PTPRD: variants seen among roughly 807,000 people sequenced by gnomAD.
The protein encoded by PTPRD is receptor-type tyrosine-protein phosphatase delta.
A neutral mutation model predicts 214.5 loss-of-function variants in PTPRD; 34 were observed. The ratio of observed to expected loss-of-function variants is 0.16; its 90% CI spans 0.12 to 0.21. PTPRD has a LOEUF of 0.21. PTPRD is among the 10% of genes least tolerant of loss of function. The pLI is 1.00. For synonymous variants in PTPRD, 1,128 were observed against 845.7 expected (o/e 1.33, Z -5.79); for missense variants, 2,545 against 2,398.7 (o/e 1.06, Z -1.27).
chr9:10,267,224 TAG>T (rs35615895), intron 3 of PTPRD, among the ~76,000 whole-genome samples: 21,446 of 146,844 alleles, frequency 0.15, 1,599 homozygotes, highest in Admixed American at 0.16. Context: ...AACAAAAAAG[TAG>T]TCAGGGATGG....
chr9:10,479,509 T>G (rs956360210), intron 2 of PTPRD, among the ~76,000 whole-genome samples: 4 of 151,972 alleles, frequency 2.6e-5, no homozygotes, highest in African/African-American at 9.7e-5. Context: ...AAGAATAACA[T>G]GCAGACAGAA....
At chr9:9,594,487 A>C (rs1045521794) in intron 7 of PTPRD, among the ~76,000 whole-genome samples, 3 of 152,024 alleles carry the variant, frequency 2.0e-5, no homozygotes, top group Non-Finnish European at 4.4e-5. Flanking sequence ...ATTCTCCTAC[A>C]TGTGGCTTGC....
intron 12 of PTPRD, among the ~76,000 whole-genome samples, chr9:8,718,820 C>T (rs374823361): frequency 6.6e-6 from 1 of 152,144 alleles, no homozygotes; most frequent in African/African-American, 2.4e-5. Flanking sequence ...TCATTCCCAC[C>T]TCCCACAAAA....
chr9:10,186,471 T>A (rs1210791807), intron 3 of PTPRD, among the ~76,000 whole-genome samples: 1 of 152,120 alleles, frequency 6.6e-6, no homozygotes, highest in Non-Finnish European at 1.5e-5. Flanking sequence ...GATTTAACAA[T>A]ATGATAGATG....
rs558195257 is a variant in PTPRD, at chr9:8,833,365, G to C, written c.-103-99419C>G. ...CCTGATATATAAAAAGTAACAGGCA[G>C]AGAAATGAGAAAGAATAGAGTCCAG... On this transcript the variant is annotated intron_variant, in intron 11 of 45. Coordinates refer to ENST00000381196, the MANE Select transcript of PTPRD (RefSeq NM_002839.4). Among the ~76,000 whole-genome samples the C allele has an allele frequency of 9.9e-5, 15 of 152,162 alleles. No homozygotes were observed. In the South Asian group the frequency reaches 2.3e-3, roughly 23 times the overall value.
At chr9:8,999,049 A>C (rs551480586) in intron 11 of PTPRD, among the ~76,000 whole-genome samples, 1 of 152,084 alleles carries the variant, frequency 6.6e-6, no homozygotes, top group Non-Finnish European at 1.5e-5. Flanking sequence ...AAATGATTGC[A>C]TGAGACGGAA....
chr9:10,025,570 G>C (rs2096908087), intron 4 of PTPRD, among the ~76,000 whole-genome samples: 1 of 152,052 alleles, frequency 6.6e-6, no homozygotes, highest in Non-Finnish European at 1.5e-5. Flanking sequence ...GACTCTCTTG[G>C]TACATATAAA....
chr9:9,285,473 C>T (rs1490980346), intron 9 of PTPRD, among the ~76,000 whole-genome samples: 1 of 151,732 alleles, frequency 6.6e-6, no homozygotes, highest in East Asian at 2.0e-4. Flanking sequence ...GAGGAATAAT[C>T]ACTTGATGGC....
intron 14 of PTPRD, among the ~76,000 whole-genome samples, chr9:8,561,536 C>T (rs112862584): frequency 8.9e-4 from 135 of 152,230 alleles, no homozygotes; most frequent in African/African-American, 3.1e-3. Flanking sequence ...TGGGCCAAGC[C>T]GGTGTACAAG....
intron 3 of PTPRD, among the ~76,000 whole-genome samples, chr9:10,125,761 C>CT (rs2098814606): frequency 6.6e-6 from 1 of 151,748 alleles, no homozygotes; most frequent in Non-Finnish European, 1.5e-5. Flanking sequence ...GGATTATAGG[C>CT]GTGAGCCACC....
chr9:8,933,163 C>A (rs1363518346), intron 11 of PTPRD, among the ~76,000 whole-genome samples: 1 of 151,924 alleles, frequency 6.6e-6, no homozygotes, highest in Non-Finnish European at 1.5e-5. Context: ...AGGTGACGCC[C>A]CACCCTGCTT....
chr9:8,791,881 G>A (rs1262550298), intron 11 of PTPRD, among the ~76,000 whole-genome samples: 1 of 152,122 alleles, frequency 6.6e-6, no homozygotes, highest in African/African-American at 2.4e-5. Context: ...GGAAAACAAT[G>A]TGTTTTAAGG....
chr9:8,320,180 G>A (rs1488566664), intron 44 of PTPRD, among the ~76,000 whole-genome samples: 5 of 152,216 alleles, frequency 3.3e-5, no homozygotes, highest in East Asian at 3.9e-4. Context: ...TTAGGAGTAA[G>A]TCTAATAAAA....
chr9:9,999,563 G>C (rs1325740784), intron 4 of PTPRD, among the ~76,000 whole-genome samples: 2 of 152,144 alleles, frequency 1.3e-5, no homozygotes, highest in African/African-American at 4.8e-5. Flanking sequence ...GGCAAGTAAA[G>C]TTTTAAATGG....
intron 10 of PTPRD, among the ~76,000 whole-genome samples, chr9:9,081,562 G>A (rs1337142315): frequency 6.6e-6 from 1 of 152,054 alleles, no homozygotes; most frequent in Non-Finnish European, 1.5e-5. Flanking sequence ...TTAATTTTCT[G>A]TCTCGTTGAT....
chr9:10,328,371 AG>A (rs1288770529), intron 3 of PTPRD, among the ~76,000 whole-genome samples: 1 of 151,718 alleles, frequency 6.6e-6, no homozygotes, highest in African/African-American at 2.4e-5. Flanking sequence ...TAAAACTGGT[AG>A]GGGGGTTTCT....
At chr9:9,921,931 T>C (rs1218032485) in intron 5 of PTPRD, among the ~76,000 whole-genome samples, 1 of 152,076 alleles carries the variant, frequency 6.6e-6, no homozygotes, top group Non-Finnish European at 1.5e-5. Context: ...ACATATTCAG[T>C]AAGTGGCAAA....
chr9:8,598,442 C>A (rs959750049), intron 14 of PTPRD, among the ~76,000 whole-genome samples: 2 of 151,514 alleles, frequency 1.3e-5, no homozygotes, highest in East Asian at 1.9e-4. Context: ...GCCTAGGCAA[C>A]AGAACAAGAC....
intron 2 of PTPRD, among the ~76,000 whole-genome samples, chr9:10,435,374 G>A (rs550577287): frequency 9.9e-5 from 15 of 151,892 alleles, no homozygotes; most frequent in Non-Finnish European, 1.9e-4. Context: ...TTTAGCCCTC[G>A]TTTTCACAAT....
Sources: gnomAD v4.1 joint callset for allele counts (sites outside exome capture counted in the v4.1 genomes callset) on GRCh38, gnomAD v4.1.1 for gene constraint, MANE v1.5 for transcripts, NCBI Gene and HGNC (gene_info 2026-07-23, HGNC 2026-07-21) for gene names.